The following OR5AN1 variants were observed in gnomAD, a reference collection of about 807,000 sequenced individuals.
OR5AN1 encodes the protein olfactory receptor 5AN1.
For synonymous variants in OR5AN1, 167 were observed against 131.8 expected (o/e 1.27, Z -1.83); for missense variants, 476 against 368.9 (o/e 1.29, Z -2.38).
chr11:59,366,272 G>T lies in OR5AN1; in HGVS notation c.*878G>T, dbSNP rs1018133778. On this transcript the variant is annotated 3_prime_UTR_variant, in exon 2 of 2. Coordinates refer to ENST00000641998, the MANE Select transcript of OR5AN1 (RefSeq NM_001004729.2). ...CATTAAATTTAGAAAATTTACTCTT[G>T]TTTGACTGGGTAACTATTGAATCCA... 4 of 152,080 alleles carry T rather than the reference G, an allele frequency of 2.6e-5. No homozygotes were observed. Among genetic ancestry groups the T allele is most frequent in the Non-Finnish European group, 1.5e-5 (1 of 68,004 alleles). 9.4% of individuals were successfully genotyped at this position (152,080 alleles called of 1,614,324 possible).
rs752364234 is a variant in OR5AN1 at position 59,364,597 on chromosome 11, A to G, written c.139A>G (p.Ile47Val). The change falls in exon 2 of 2, where the codon ATT (isoleucine) becomes GTT (valine). Residue 47 changes from isoleucine to valine, a missense_variant. Physicochemically the swap from Ile to Val is conservative, Grantham distance 29. Transcript: ENST00000641998. ...ITSLAWNLSL[I>V]VLIRMDSHLH... ...ATCTCTGGCCTGGAACCTCTCCCTC[A>G]TTGTTTTAATAAGGATGGATTCCCA... is the stretch of plus-strand genomic sequence containing the variant. 2 of 1,613,960 alleles carry G rather than the reference A, an allele frequency of 1.2e-6. No individual in the cohort carries two copies. The highest frequency in any genetic ancestry group is 1.7e-6 in the Non-Finnish European group (2 of 1,179,920).
chr11:59,370,979 T>C lies in OR5AN1; in HGVS notation c.*5585T>C, dbSNP rs577348578. 2.6e-5 allele frequency: 4 copies of C among 152,376 alleles called. No individual in the cohort carries two copies. Among genetic ancestry groups the C allele is most frequent in the African/African-American group, 9.6e-5 (4 of 41,598 alleles). The allele number at this position is 152,376 out of a possible 1,614,324, so 9.4% of individuals were successfully genotyped here. On this transcript the variant is annotated 3_prime_UTR_variant, in exon 2 of 2. Coordinates refer to ENST00000641998, the MANE Select transcript of OR5AN1 (RefSeq NM_001004729.2). The stretch of plus-strand genomic sequence containing the variant: ...CCTCTGTGATAGCTCTAGGCTGTTA[T>C]CTTGTAGGCTTTTTCTTTTCACATG...
Position 59,365,683 on chromosome 11 carries a change from A to G in OR5AN1, c.*289A>G, listed in dbSNP as rs910850979. 22 of 293,996 alleles carry G rather than the reference A, an allele frequency of 7.5e-5. No individual in the cohort carries two copies. The highest frequency in any genetic ancestry group is 1.3e-4 in the Non-Finnish European group (20 of 159,462). The allele number at this position is 293,996 out of a possible 1,614,324, so 18.2% of individuals were successfully genotyped here. A position where few individuals can be genotyped will look rare whatever the true frequency, so the allele number is the denominator to read the frequency against. ...CCAAAATTATTTGTGAAACAACAAG[A>G]TTTAGAAATCTTTTGTTTCCTGTGG... is the stretch of plus-strand genomic sequence containing the variant. On this transcript the variant is annotated 3_prime_UTR_variant, in exon 2 of 2. Transcript: ENST00000641998.
chr11:59,359,294 T>C (rs534904703), intron 1 of OR5AN1, 22 bp downstream of exon 1: 48 of 152,318 alleles, frequency 3.2e-4, no homozygotes, highest in Non-Finnish European at 5.6e-4. Flanking sequence ...GAGTGAGGGA[T>C]GGGTATTGAA....
Position 59,361,962 on chromosome 11 carries a change from T to C in OR5AN1, c.-13-2484T>C, listed in dbSNP as rs1055257606. Among the ~76,000 whole-genome samples the C allele has an allele frequency of 6.2e-4, 94 of 151,556 alleles. 1 individual carries two copies. The highest frequency in any genetic ancestry group is 2.1e-3 in the African/African-American group (87 of 41,150). On this transcript the variant is annotated intron_variant, in intron 1 of 1. Transcript: ENST00000641998. ...TTTTAATGTTTGACATTATAAATGG[T>C]TTGTAAGGAGTGTGTGTGTGTTTGT...
In OR5AN1 at chr11:59,369,995, TC is replaced by T. The variant is rs1857576514; in HGVS notation, c.*4602del. Reference sequence around the variant, plus strand: ...AGAAAATAGTCTTCAACCAAGAATTTCATATCTAGCCAAACTAAGCTCCTAA... The same window carrying T: ...AGAAAATAGTCTTCAACCAAGAATTTATATCTAGCCAAACTAAGCTCCTAA... On this transcript the variant is annotated 3_prime_UTR_variant, in exon 2 of 2. Coordinates refer to ENST00000641998, the MANE Select transcript of OR5AN1 (RefSeq NM_001004729.2). 6.6e-6 allele frequency: 1 copy of T among 152,176 alleles called. No individual in the cohort carries two copies. The highest frequency in any genetic ancestry group is 2.4e-5 in the African/African-American group (1 of 41,432). The allele number at this position is 152,176 out of a possible 1,614,324, so 9.4% of individuals were successfully genotyped here.
chr11:59,360,603 C>T (rs560652735), intron 1 of OR5AN1, among the ~76,000 whole-genome samples: 3 of 152,162 alleles, frequency 2.0e-5, no homozygotes, highest in Non-Finnish European at 4.4e-5. Context: ...CCTGACAGGC[C>T]CCAGTGTGTG....
chr11:59,368,199 CA>C lies in OR5AN1; in HGVS notation c.*2806del, dbSNP rs998947912. 3.0e-4 allele frequency: 46 copies of C among 152,328 alleles called. No homozygotes were observed. The highest frequency in any genetic ancestry group is 2.2e-3 in the Admixed American group (34 of 15,294). 9.4% of individuals were successfully genotyped at this position (152,328 alleles called of 1,614,324 possible). A position where few individuals can be genotyped will look rare whatever the true frequency, so the allele number is the denominator to read the frequency against. ...TCACAGCCTTCACTGGTGACACCTC[CA>C]GGTTCTGGGAAATCTGAGGTGACCA... On this transcript the variant is annotated 3_prime_UTR_variant, in exon 2 of 2. Coordinates refer to ENST00000641998, the MANE Select transcript of OR5AN1 (RefSeq NM_001004729.2).
chr11:59,362,116 C>T (rs1055586183), intron 1 of OR5AN1, among the ~76,000 whole-genome samples: 5 of 152,034 alleles, frequency 3.3e-5, no homozygotes, highest in African/African-American at 1.2e-4. Flanking sequence ...TTACCTTGTG[C>T]ACTCATCAGT....
chr11:59,364,556 T>A lies in OR5AN1; in HGVS notation c.98T>A (p.Leu33Gln), dbSNP rs1565053060. The part of the protein sequence containing the change: ...RIIKVLFTIF[L>Q]VIYITSLAWN... ...ATAAAAGTGCTCTTCACTATATTCCTGGTGATCTACATTACATCTCTGGCC... is the reference window on the plus strand; with the variant it reads ...ATAAAAGTGCTCTTCACTATATTCCAGGTGATCTACATTACATCTCTGGCC... The change falls in exon 2 of 2, where the codon CTG becomes CAG. Residue 33 changes from leucine (L) to glutamine (Q), a missense_variant. Leu to Gln is a moderately radical substitution (Grantham distance 113). Transcript: ENST00000641998. The A allele has an allele frequency of 6.2e-7, 1 of 1,613,946 alleles. No homozygotes were observed. The highest frequency in any genetic ancestry group is 8.5e-7 in the Non-Finnish European group (1 of 1,179,864).
At chr11:59,364,403 A>C in intron 1 of OR5AN1, 43 bp from the exon 2 acceptor site, 6 of 1,236,152 alleles carry the variant, frequency 4.9e-6, no homozygotes, top group Non-Finnish European at 6.9e-6. Flanking sequence ...TATCACTTCA[A>C]CTGAGTTAGC....
intron 1 of OR5AN1, among the ~76,000 whole-genome samples, chr11:59,363,396 T>A (rs943808696): frequency 6.6e-6 from 1 of 152,208 alleles, no homozygotes; most frequent in East Asian, 1.9e-4. Flanking sequence ...GCCACATTAC[T>A]ATGCTGTTTC....
In OR5AN1 at chr11:59,370,365, C is replaced by T. The variant is rs1301942619; in HGVS notation, c.*4971C>T. 1 of 152,090 alleles carries T rather than the reference C, an allele frequency of 6.6e-6. No individual in the cohort carries two copies. Among genetic ancestry groups the T allele is most frequent in the Non-Finnish European group, 1.5e-5 (1 of 68,018 alleles). 9.4% of individuals were successfully genotyped at this position (152,090 alleles called of 1,614,324 possible). On this transcript the variant is annotated 3_prime_UTR_variant, in exon 2 of 2. Transcript: ENST00000641998. ...CAATGGTATGCTGTCTTCAAGAGAC[C>T]CGTCTCACATGTAAGACACACACAG...
rs1372623261 is a variant in OR5AN1 at position 59,364,773 on chromosome 11, T to C, written c.315T>C (p.Phe105=). The change falls in exon 2 of 2, where the codon TTT becomes TTC. Residue 105 remains phenylalanine, a synonymous_variant. Transcript: ENST00000641998. ...GTTGTATTATTCAGTACTTTATCTT[T>C]TCAACGATGGGACTGAGTGAGTCTT... ...FVGCIIQYFI[F]STMGLSESCL... 6.2e-7 allele frequency: 1 copy of C among 1,614,122 alleles called. No homozygotes were observed. Among genetic ancestry groups the C allele is most frequent in the Non-Finnish European group, 8.5e-7 (1 of 1,179,974 alleles).
chr11:59,371,590 G>A lies in OR5AN1; in HGVS notation c.*6196G>A, dbSNP rs896441777. ...ACAACAACAACAACTTACAAATAAA[G>A]GATGTAAAATGAATTATAATACAAG... On this transcript the variant is annotated 3_prime_UTR_variant, in exon 2 of 2. Transcript: ENST00000641998. 2 of 152,120 alleles carry A rather than the reference G, an allele frequency of 1.3e-5. No individual in the cohort carries two copies. The allele number at this position is 152,120 out of a possible 1,614,324, so 9.4% of individuals were successfully genotyped here. A position where few individuals can be genotyped will look rare whatever the true frequency, so the allele number is the denominator to read the frequency against.
Position 59,365,047 on chromosome 11 carries a change from C to T in OR5AN1, c.589C>T (p.Gln197Ter). Reference protein sequence around the residue: ...ILSCTDTFFVQVMTAILTMFF... With the variant: ...ILSCTDTFFV ...GTCCTGTACTGACACTTTCTTTGTA[C>T]AGGTCATGACTGCTATATTAACCAT... Residue 197 changes from glutamine (Q) to a stop codon, truncating the protein, a stop_gained, in exon 2 of 2, where the codon CAG (glutamine) becomes TAG (stop). Transcript: ENST00000641998. LOFTEE classifies it low-confidence loss of function (END_TRUNC). The T allele has an allele frequency of 6.2e-7, 1 of 1,614,052 alleles. No homozygotes were observed. The highest frequency in any genetic ancestry group is 8.5e-7 in the Non-Finnish European group (1 of 1,179,936).
intron 1 of OR5AN1, among the ~76,000 whole-genome samples, chr11:59,362,742 C>T (rs367760205): frequency 2.0e-4 from 31 of 152,196 alleles, no homozygotes; most frequent in African/African-American, 7.5e-4. Flanking sequence ...CCTTTGGTTG[C>T]TGCAATTACT....
At chr11:59,364,023 C>T (rs563639778) in intron 1 of OR5AN1, among the ~76,000 whole-genome samples, 1 of 152,180 alleles carries the variant, frequency 6.6e-6, no homozygotes, top group East Asian at 1.9e-4. Flanking sequence ...TCAGCCTCCC[C>T]AGGTGCTAGG....
Position 59,370,510 on chromosome 11 carries a change from T to C in OR5AN1, c.*5116T>C, listed in dbSNP as rs1431319003. On this transcript the variant is annotated 3_prime_UTR_variant, in exon 2 of 2. Coordinates refer to ENST00000641998, the MANE Select transcript of OR5AN1 (RefSeq NM_001004729.2). ...CTATTCTAACCAATTAATGTATGAA[T>C]TATGTGAAATACCAATCAAAATCAC... The C allele has an allele frequency of 6.6e-6, 1 of 152,212 alleles. No homozygotes were observed. The highest frequency in any genetic ancestry group is 1.9e-4 in the East Asian group (1 of 5,198). The allele number at this position is 152,212 out of a possible 1,614,324, so 9.4% of individuals were successfully genotyped here. A position where few individuals can be genotyped will look rare whatever the true frequency, so the allele number is the denominator to read the frequency against.
Sources: gnomAD v4.1 joint callset for allele counts (sites outside exome capture counted in the v4.1 genomes callset) on GRCh38, gnomAD v4.1.1 for gene constraint, MANE v1.5 for transcripts, NCBI Gene and HGNC (gene_info 2026-07-23, HGNC 2026-07-21) for gene names.